The following LEMD3 variants were observed in gnomAD, a reference collection of about 807,000 sequenced individuals.
LEMD3 encodes the protein LEM domain containing 3.
In LEMD3, 33 loss-of-function variants were observed where a neutral mutation model predicts 95.2. The observed-to-expected ratio is 0.35, with a 90% confidence interval of 0.26 to 0.46. The LOEUF (loss-of-function observed/expected upper bound fraction) is 0.46. Ranked by LOEUF, LEMD3 falls within the 20% of genes least tolerant of loss-of-function variation. The probability of loss-of-function intolerance (pLI) is 1.00; values close to 1 mark genes in which losing one functional copy is unlikely to be tolerated. For missense variants in LEMD3, 1,210 were observed against 1,192.8 expected (o/e 1.01, Z -0.21); for synonymous variants, 525 against 474.6 (o/e 1.11, Z -1.38).
chr12:65,177,956 C>T (rs1359019767), intron 1 of LEMD3, among the ~76,000 whole-genome samples: 9 of 151,646 alleles, frequency 5.9e-5, no homozygotes, highest in Admixed American at 3.3e-4. Context: ...GCAATCCTCA[C>T]AGCTCAGCCT....
chr12:65,226,077 C>T (rs1341231872), intron 4 of LEMD3, among the ~76,000 whole-genome samples: 2 of 152,136 alleles, frequency 1.3e-5, no homozygotes, highest in Non-Finnish European at 2.9e-5. Flanking sequence ...TTCTTCATGC[C>T]GAGCTGGGGG....
chr12:65,215,401 C>T (rs1870077341), intron 2 of LEMD3, among the ~76,000 whole-genome samples: 1 of 152,112 alleles, frequency 6.6e-6, no homozygotes, highest in Non-Finnish European at 1.5e-5. Context: ...GTACAGGAAC[C>T]ATCTTGTTCA....
chr12:65,217,863 G>A (rs1337886480), intron 3 of LEMD3, among the ~76,000 whole-genome samples: 3 of 151,962 alleles, frequency 2.0e-5, no homozygotes, highest in Non-Finnish European at 4.4e-5. Flanking sequence ...TGTCACTCAG[G>A]CTGGAGTGAA....
At position 65,247,787 on chromosome 12, in the gene LEMD3, T is replaced by G. The variant is rs1029221844; in HGVS notation, c.*1462T>G. ...CTGGTTAAGTAAACATGATGCACAC[T>G]ATTCTGTAACAGAAAGCCCTATTGT... On this transcript the variant is annotated 3_prime_UTR_variant, in exon 13 of 13. Transcript: ENST00000308330. 2.0e-5 allele frequency: 3 copies of G among 152,616 alleles called. No homozygotes were observed. The highest frequency in any genetic ancestry group is 7.2e-5 in the African/African-American group (3 of 41,434). The allele number at this position is 152,616 out of a possible 1,614,324, so 9.5% of individuals were successfully genotyped here.
chr12:65,204,275 A>C lies in LEMD3; in HGVS notation c.1523-6651A>C, dbSNP rs191698081. ...GATTTGCTGCGCTGATCATTCTGTC[A>C]CCCAGGTATTAAGGCCAGCATCCAT... On this transcript the variant is annotated intron_variant, in intron 1 of 12. Coordinates refer to ENST00000308330, the MANE Select transcript of LEMD3 (RefSeq NM_014319.5). 3.4e-3 allele frequency among the ~76,000 whole-genome samples: 509 copies of C among 151,308 alleles called. 1 individual carries two copies. Among genetic ancestry groups the C allele is most frequent in the Non-Finnish European group, 5.9e-3 (399 of 67,914 alleles).
At chr12:65,216,144 G>A in intron 3 of LEMD3, 101 bp downstream of exon 3, 1 of 796,088 alleles carries the variant, frequency 1.3e-6, no homozygotes, top group Admixed American at 2.2e-5. Flanking sequence ...TTATATTTGT[G>A]AAATATTTTT....
chr12:65,245,297 A>ATTTT (rs531377376), intron 10 of LEMD3: 2 of 170,262 alleles, frequency 1.2e-5, no homozygotes, highest in African/African-American at 2.6e-5. Flanking sequence ...CGCCTGGCTA[A>ATTTT]TTTTTTTTTT....
chr12:65,171,303 C>G (rs538640515), intron 1 of LEMD3, 185 bp downstream of exon 1: 4 of 1,083,086 alleles, frequency 3.7e-6, no homozygotes, highest in Non-Finnish European at 5.2e-6. Context: ...TGTCATATGG[C>G]TGGTTTTAAA....
chr12:65,186,780 TAA>T (rs1869081348), intron 1 of LEMD3, among the ~76,000 whole-genome samples: 1 of 151,938 alleles, frequency 6.6e-6, no homozygotes, highest in Non-Finnish European at 1.5e-5. Flanking sequence ...AGGAGTTAAG[TAA>T]GTAAAAATAT....
At chr12:65,178,584 T>C (rs1868801988) in intron 1 of LEMD3, among the ~76,000 whole-genome samples, 1 of 152,232 alleles carries the variant, frequency 6.6e-6, no homozygotes, top group Non-Finnish European at 1.5e-5. Flanking sequence ...GTAAAACTCA[T>C]ACATGGCACA....
intron 4 of LEMD3, among the ~76,000 whole-genome samples, chr12:65,220,246 C>G (rs1398536433): frequency 1.3e-5 from 2 of 152,120 alleles, no homozygotes; most frequent in Non-Finnish European, 2.9e-5. Flanking sequence ...TTGTGTTTCC[C>G]TGATGATTAC....
At chr12:65,179,697 G>T (rs1868841077) in intron 1 of LEMD3, among the ~76,000 whole-genome samples, 1 of 152,166 alleles carries the variant, frequency 6.6e-6, no homozygotes, top group South Asian at 2.1e-4. Context: ...GATAGGTGCA[G>T]CAAACTGCCA....
At chr12:65,188,774 T>C (rs1409780296) in intron 1 of LEMD3, among the ~76,000 whole-genome samples, 1 of 152,170 alleles carries the variant, frequency 6.6e-6, no homozygotes, top group Non-Finnish European at 1.5e-5. Context: ...GATGTCAGGC[T>C]CATGGAAGAA....
At chr12:65,232,235 A>G (rs1432193500) in intron 4 of LEMD3, among the ~76,000 whole-genome samples, 1 of 152,160 alleles carries the variant, frequency 6.6e-6, no homozygotes, top group African/African-American at 2.4e-5. Context: ...GTTGATATCA[A>G]ACAAGGATTA....
At chr12:65,176,065 A>G (rs1868709543) in intron 1 of LEMD3, among the ~76,000 whole-genome samples, 1 of 152,150 alleles carries the variant, frequency 6.6e-6, no homozygotes, top group South Asian at 2.1e-4. Flanking sequence ...GTTCTAGGTT[A>G]GTCTCTTGCC....
Position 65,218,189 on chromosome 12 carries a change from G to A in LEMD3, c.1628-363G>A, listed in dbSNP as rs57708088. ...TTTAGGAATAATACATATTTCTGGA[G>A]GGCGTCTTGTGTGCCAAGATCTGTG... On this transcript the variant is annotated intron_variant, in intron 3 of 12. Transcript: ENST00000308330. 2.5e-3 allele frequency among the ~76,000 whole-genome samples: 375 copies of A among 152,248 alleles called. 3 individuals carry two copies. The highest frequency in any genetic ancestry group is 8.4e-3 in the African/African-American group (350 of 41,538).
At chr12:65,239,894 C>T (rs1271545035) in intron 6 of LEMD3, 35 bp from the exon 7 acceptor site, 1 of 1,421,510 alleles carries the variant, frequency 7.0e-7, no homozygotes, top group Non-Finnish European at 9.9e-7. Context: ...ATATTGACCA[C>T]AATTTTTAAA....
intron 1 of LEMD3, among the ~76,000 whole-genome samples, chr12:65,179,863 T>C (rs1868847023): frequency 6.6e-6 from 1 of 152,242 alleles, no homozygotes; most frequent in African/African-American, 2.4e-5. Flanking sequence ...ATACTAATTG[T>C]GGAAATTGTT....
Position 65,245,951 on chromosome 12 carries a change from G to C in LEMD3, c.2572+12G>C, listed in dbSNP as rs774574614. On this transcript the variant is annotated intron_variant, in intron 12 of 12. Transcript: ENST00000308330. ...CTCTTGGTTTGATGGTAAGAAATTT[G>C]AGTACTACAAACATTTTGAAAAGAT... The C allele has an allele frequency of 1.9e-6, 3 of 1,578,664 alleles. No individual in the cohort carries two copies. The highest frequency in any genetic ancestry group is 2.6e-6 in the Non-Finnish European group (3 of 1,149,392).
Sources: gnomAD v4.1 joint callset for allele counts (sites outside exome capture counted in the v4.1 genomes callset) on GRCh38, gnomAD v4.1.1 for gene constraint, MANE v1.5 for transcripts, NCBI Gene and HGNC (gene_info 2026-07-23, HGNC 2026-07-21) for gene names.